GSTO2: variants seen among roughly 807,000 people sequenced by gnomAD.
GSTO2 encodes glutathione S-transferase omega 2, also known as glutathione S-transferase omega-2.
GSTO2 carries 23 observed loss-of-function variants against 28.4 expected under a neutral mutation model. That is an observed-to-expected ratio of 0.81 (90% CI 0.58 to 1.15). The LOEUF is 1.15. Among genes scored for constraint, GSTO2 ranks in the 50% most tolerant of loss-of-function variants. The pLI is 0.00. For missense variants in GSTO2, 298 were observed against 297.8 expected (o/e 1.00, Z 0.00); for synonymous variants, 109 against 111.0 (o/e 0.98, Z 0.11).
chr10:104,284,457 A>G (rs2012291897), intron 5 of GSTO2, among the ~76,000 whole-genome samples: 1 of 152,178 alleles, frequency 6.6e-6, no homozygotes, highest in South Asian at 2.1e-4. Context: ...TCTTTGAGAT[A>G]TATTACTGCC....
In GSTO2 at chr10:104,304,660, T is replaced by A. The variant is rs2013349207; in HGVS notation, c.*5376T>A. 6.6e-6 allele frequency: 1 copy of A among 152,214 alleles called. No homozygotes were observed. The highest frequency in any genetic ancestry group is 6.5e-5 in the Admixed American group (1 of 15,284). 9.4% of individuals were successfully genotyped at this position (152,214 alleles called of 1,614,324 possible). A position where few individuals can be genotyped will look rare whatever the true frequency, so the allele number is the denominator to read the frequency against. Reference sequence around the variant, plus strand: ...CAGTGAATGGCAGGCAACCCTATTATGACTAGGCTTCTGCCAATGATCAGA... The same window carrying A: ...CAGTGAATGGCAGGCAACCCTATTAAGACTAGGCTTCTGCCAATGATCAGA... On this transcript the variant is annotated 3_prime_UTR_variant, in exon 7 of 7. Transcript: ENST00000338595.
At chr10:104,286,229 A>C (rs1347703708) in intron 5 of GSTO2, among the ~76,000 whole-genome samples, 1 of 152,084 alleles carries the variant, frequency 6.6e-6, no homozygotes, top group Non-Finnish European at 1.5e-5. Context: ...CCCCAGAAAA[A>C]CTGCTCACTT....
At chr10:104,293,580 T>TTTTTTTTTTTTTTTTTTTTTTTC (rs2012884744) in intron 5 of GSTO2, among the ~76,000 whole-genome samples, 1 of 143,970 alleles carries the variant, frequency 6.9e-6, no homozygotes, top group Admixed American at 6.9e-5. Flanking sequence ...TTTTTTTTTT[T>TTTTTTTTTTTTTTTTTTTTTTTC]TTTTTGCGAC....
intron 3 of GSTO2, 111 bp from the exon 4 acceptor site, chr10:104,277,783 A>G: frequency 4.4e-6 from 3 of 678,664 alleles, no homozygotes; most frequent in South Asian, 3.6e-5. Context: ...ACCTTAAAAC[A>G]CTAATTGCAA....
At chr10:104,276,671 T>C (rs1337581355) in intron 3 of GSTO2, among the ~76,000 whole-genome samples, 1 of 152,204 alleles carries the variant, frequency 6.6e-6, no homozygotes, top group Non-Finnish European at 1.5e-5. Context: ...TAGGTCTTGC[T>C]ATGTGGCCTA....
In GSTO2 at chr10:104,275,301, G is replaced by C. The variant is rs1403225143; in HGVS notation, c.110G>C (p.Arg37Thr). ...YSMRFCPYSH[R>T]TRLVLKAKDI... ...ATGAGGTTCTGCCCCTATTCTCACAGGACCCGCCTCGTCCTCAAGGCCAAA... is the reference window on the plus strand; with the variant it reads ...ATGAGGTTCTGCCCCTATTCTCACACGACCCGCCTCGTCCTCAAGGCCAAA... The change falls in exon 3 of 7, where the codon AGG becomes ACG. Residue 37 changes from arginine (R) to threonine (T), a missense_variant. Physicochemically the swap from Arg to Thr is moderately conservative, Grantham distance 71. Transcript: ENST00000338595. 1.9e-6 allele frequency: 3 copies of C among 1,614,068 alleles called. No individual in the cohort carries two copies. In the East Asian group the frequency reaches 6.7e-5, roughly 36 times the overall value.
intron 2 of GSTO2, 53 bp downstream of exon 2, chr10:104,275,002 G>A (rs1262760167): frequency 1.3e-6 from 2 of 1,559,348 alleles, no homozygotes; most frequent in South Asian, 1.2e-5. Flanking sequence ...GACAGAAAAT[G>A]TTGGCTTCGG....
chr10:104,299,463 T>C lies in GSTO2; in HGVS notation c.*179T>C. On this transcript the variant is annotated 3_prime_UTR_variant, in exon 7 of 7. Transcript: ENST00000338595. ...TCTGACTCCTCTAGCCTGTAGCTGC[T>C]GCTACTGCTGCTTTTTTTTCCTTTT... The C allele has an allele frequency of 1.5e-6, 1 of 663,616 alleles. No individual in the cohort carries two copies. Among genetic ancestry groups the C allele is most frequent in the Non-Finnish European group, 2.4e-6 (1 of 409,360 alleles). 41.1% of individuals were successfully genotyped at this position (663,616 alleles called of 1,614,324 possible).
Position 104,299,176 on chromosome 10 carries a change from G to T in GSTO2, c.624G>T (p.Lys208Asn). 1 of 1,614,222 alleles carries T rather than the reference G, an allele frequency of 6.2e-7. No homozygotes were observed. Among genetic ancestry groups the T allele is most frequent in the Non-Finnish European group, 8.5e-7 (1 of 1,180,030 alleles). ...TGCGGCTCTGGATATCAGCCATGAA[G>T]TGGGACCCCACAGTCTGTGCTCTTC... ...PALRLWISAM[K>N]WDPTVCALLM... Residue 208 changes from lysine to asparagine, a missense_variant, in exon 7 of 7, where the codon AAG becomes AAT. By Grantham distance (94) the Lys-to-Asn change is moderately conservative. Coordinates refer to ENST00000338595, the MANE Select transcript of GSTO2 (RefSeq NM_183239.2).
At position 104,297,577 on chromosome 10, in the gene GSTO2, G is replaced by T. The variant is rs752586795; in HGVS notation, c.469-1G>T. The T allele has an allele frequency of 1.5e-5, 24 of 1,598,136 alleles. No homozygotes were observed. The highest frequency in any genetic ancestry group is 3.3e-5 in the Admixed American group (2 of 59,826). ...TGCTTTTGCTTTGTTTCCATTTTTA[G>T]ATTCTTGAGTATCAGAACACCACCT... On this transcript the variant is annotated splice_acceptor_variant, in intron 5 of 6. Transcript: ENST00000338595. LOFTEE classifies it high-confidence loss of function.
intron 5 of GSTO2, among the ~76,000 whole-genome samples, chr10:104,290,471 C>T (rs541559332): frequency 3.7e-4 from 56 of 151,284 alleles, no homozygotes; most frequent in African/African-American, 1.3e-3. Flanking sequence ...CACCACTGCA[C>T]TCCAACTTGG....
intron 5 of GSTO2, among the ~76,000 whole-genome samples, chr10:104,290,682 C>T (rs1254736775): frequency 6.6e-6 from 1 of 152,004 alleles, no homozygotes; most frequent in Non-Finnish European, 1.5e-5. Context: ...TTTGTGGAAT[C>T]TAAAAATCAA....
intron 1 of GSTO2, among the ~76,000 whole-genome samples, chr10:104,271,062 A>G (rs1228016993): frequency 6.6e-6 from 1 of 152,252 alleles, no homozygotes; most frequent in Non-Finnish European, 1.5e-5. Flanking sequence ...AGGTATAAAC[A>G]TGAAATAACA....
chr10:104,277,884 G>A lies in GSTO2; in HGVS notation c.144-10G>A, dbSNP rs371561309. The A allele has an allele frequency of 9.4e-6, 15 of 1,594,328 alleles. No homozygotes were observed. Among genetic ancestry groups the A allele is most frequent in the Non-Finnish European group, 9.5e-6 (11 of 1,162,472 alleles). On this transcript the variant is annotated splice_polypyrimidine_tract_variant and intron_variant, in intron 3 of 6. Transcript: ENST00000338595. ...TTTTGTTCTGTCTTGTTTTCCTTTT[G>A]CTTTTTAAGACATGAAGTGGTCAAC...
chr10:104,293,556 CTGGCCAATTT>C (rs1048217649), intron 5 of GSTO2, among the ~76,000 whole-genome samples: 4 of 90,366 alleles, frequency 4.4e-5, no homozygotes, highest in Non-Finnish European at 6.8e-5. Context: ...GCCACTGCGC[CTGGCCAATTT>C]TTTTTTTTTT....
At chr10:104,273,256 G>T (rs990645638) in intron 1 of GSTO2, among the ~76,000 whole-genome samples, 1 of 151,088 alleles carries the variant, frequency 6.6e-6, no homozygotes, top group East Asian at 1.9e-4. Flanking sequence ...AGTTGTCAGC[G>T]TAGCAAGCCG....
At chr10:104,285,332 A>C (rs914216024) in intron 5 of GSTO2, among the ~76,000 whole-genome samples, 1 of 152,158 alleles carries the variant, frequency 6.6e-6, no homozygotes, top group Non-Finnish European at 1.5e-5. Flanking sequence ...GCAGTGGCAC[A>C]GTCATGGCTC....
chr10:104,280,997 A>G (rs2012005215), intron 5 of GSTO2, among the ~76,000 whole-genome samples: 1 of 152,238 alleles, frequency 6.6e-6, no homozygotes, highest in South Asian at 2.1e-4. Flanking sequence ...TGTGGTGGAA[A>G]GAATCTTGGA....
chr10:104,276,020 G>A (rs770230565), intron 3 of GSTO2, among the ~76,000 whole-genome samples: 32 of 152,180 alleles, frequency 2.1e-4, no homozygotes, highest in Non-Finnish European at 3.8e-4. Flanking sequence ...TGCAGGTCTG[G>A]ATTTGGAGGG....
Sources: gnomAD v4.1 joint callset for allele counts (sites outside exome capture counted in the v4.1 genomes callset) on GRCh38, gnomAD v4.1.1 for gene constraint, MANE v1.5 for transcripts, NCBI Gene and HGNC (gene_info 2026-07-23, HGNC 2026-07-21) for gene names.